Variants in ZC2HC1A observed in about 807,000 individuals in gnomAD.
The protein encoded by ZC2HC1A is zinc finger C2HC-type containing 1A, also known as zinc finger C2HC domain-containing protein 1A.
A neutral mutation model predicts 40.7 loss-of-function variants in ZC2HC1A; 28 were observed. The ratio of observed to expected loss-of-function variants is 0.69; its 90% confidence interval spans 0.51 to 0.94. The LOEUF is 0.94. ZC2HC1A is among the 40% of genes least tolerant of loss of function. ZC2HC1A has a pLI of 0.00. For synonymous variants in ZC2HC1A, 129 were observed against 129.2 expected, an observed-to-expected ratio of 1.00 and a Z score of 0.01; for missense variants, 389 against 386.3, an observed-to-expected ratio of 1.01 and a Z score of -0.06.
intron 7 of ZC2HC1A, among the ~76,000 whole-genome samples, chr8:78,707,523 T>A (rs1271196715): frequency 1.3e-5 from 2 of 152,258 alleles, no homozygotes; most frequent in Admixed American, 1.3e-4. Flanking sequence ...ACCTGGTTAC[T>A]AATGGAAAAT....
At chr8:78,670,386 G>T (rs1314811392) in intron 1 of ZC2HC1A, among the ~76,000 whole-genome samples, 1 of 152,202 alleles carries the variant, frequency 6.6e-6, no homozygotes, top group Non-Finnish European at 1.5e-5. Context: ...TTCAAAAAAT[G>T]TGCTCATCAG....
intron 8 of ZC2HC1A, among the ~76,000 whole-genome samples, chr8:78,716,822 A>G (rs1811121526): frequency 6.6e-6 from 1 of 152,066 alleles, no homozygotes; most frequent in African/African-American, 2.4e-5. Flanking sequence ...GGACTTCCCC[A>G]TTGCTGTTCT....
At chr8:78,712,114 T>C in intron 7 of ZC2HC1A, 1 of 1,257,390 alleles carries the variant, frequency 8.0e-7, no homozygotes. Flanking sequence ...CAAGTAAGTA[T>C]TTGTAACTCA....
At chr8:78,687,263 T>G (rs537689420) in intron 4 of ZC2HC1A, among the ~76,000 whole-genome samples, 21 of 151,994 alleles carry the variant, frequency 1.4e-4, no homozygotes, top group African/African-American at 5.1e-4. Flanking sequence ...GTAGCCACAT[T>G]AATGCTATGT....
chr8:78,717,770 G>A lies in ZC2HC1A; in HGVS notation c.*277G>A, dbSNP rs533789653. 2.0e-4 allele frequency: 44 copies of A among 220,652 alleles called. No homozygotes were observed. The South Asian group carries it at 5.3e-3, about 27-fold the overall frequency. The allele number at this position is 220,652 out of a possible 1,614,324, so 13.7% of individuals were successfully genotyped here. ...ATTTCAAATGGAACAATTAATTTAGGTGTTACTTTTCTGTTGTTGTTAAAG... is the reference window on the plus strand; with the variant it reads ...ATTTCAAATGGAACAATTAATTTAGATGTTACTTTTCTGTTGTTGTTAAAG... On this transcript the variant is annotated 3_prime_UTR_variant, in exon 9 of 9. Coordinates refer to ENST00000263849, the MANE Select transcript of ZC2HC1A (RefSeq NM_016010.3).
chr8:78,667,857 C>G (rs1203877124), intron 1 of ZC2HC1A, among the ~76,000 whole-genome samples: 1 of 151,864 alleles, frequency 6.6e-6, no homozygotes, highest in Non-Finnish European at 1.5e-5. Flanking sequence ...CATAGGTGGA[C>G]AAAGGTAGGA....
intron 7 of ZC2HC1A, among the ~76,000 whole-genome samples, chr8:78,704,387 CAAAA>C (rs1307275741): frequency 7.7e-5 from 5 of 65,254 alleles, no homozygotes; most frequent in Non-Finnish European, 1.3e-4. Context: ...GACTCCATCT[CAAAA>C]AAAAAAAAAA....
At chr8:78,693,761 CT>C (rs1309946990) in intron 5 of ZC2HC1A, among the ~76,000 whole-genome samples, 6 of 152,140 alleles carry the variant, frequency 3.9e-5, no homozygotes, top group Non-Finnish European at 8.8e-5. Flanking sequence ...TCAATTTTGG[CT>C]TTTGTTGCCA....
intron 8 of ZC2HC1A, among the ~76,000 whole-genome samples, chr8:78,716,057 G>A (rs1031569960): frequency 4.0e-5 from 6 of 149,242 alleles, no homozygotes; most frequent in African/African-American, 1.5e-4. Flanking sequence ...AAAAAAAAAG[G>A]CTGTTATAGT....
At chr8:78,688,009 C>G (rs1810081638) in intron 4 of ZC2HC1A, among the ~76,000 whole-genome samples, 1 of 146,580 alleles carries the variant, frequency 6.8e-6, no homozygotes, top group Non-Finnish European at 1.5e-5. Context: ...ATAAAATGAG[C>G]ATGGCTGTGT....
intron 7 of ZC2HC1A, among the ~76,000 whole-genome samples, chr8:78,710,902 A>T (rs979425203): frequency 6.6e-6 from 1 of 152,132 alleles, no homozygotes; most frequent in African/African-American, 2.4e-5. Flanking sequence ...CTACTGAAAG[A>T]AGACAAAAAT....
chr8:78,701,707 G>A (rs530226604), intron 7 of ZC2HC1A, among the ~76,000 whole-genome samples: 1 of 152,282 alleles, frequency 6.6e-6, no homozygotes, highest in Admixed American at 6.5e-5. Flanking sequence ...GTGAAGGGAT[G>A]TTGAATTTTA....
At position 78,715,300 on chromosome 8, in the gene ZC2HC1A, A is replaced by G. The variant is rs1045115178; in HGVS notation, c.784A>G (p.Lys262Glu). The stretch of plus-strand genomic sequence containing the variant: ...CCCAGGTGTGCTTACAAACAAAAGA[A>G]AAACATATACTGAGAGCTACATAGC... ...PAPGVLTNKR[K>E]TYTESYIARP... The change falls in exon 8 of 9, where the codon AAA becomes GAA. Residue 262 changes from lysine to glutamate, a missense_variant. Coordinates refer to ENST00000263849, the MANE Select transcript of ZC2HC1A (RefSeq NM_016010.3). The G allele has an allele frequency of 1.9e-6, 3 of 1,613,868 alleles. No homozygotes were observed. The highest frequency in any genetic ancestry group is 2.5e-6 in the Non-Finnish European group (3 of 1,179,884).
chr8:78,674,432 A>G (rs1395143612), intron 1 of ZC2HC1A, among the ~76,000 whole-genome samples: 2 of 152,226 alleles, frequency 1.3e-5, no homozygotes, highest in East Asian at 1.9e-4. Context: ...TGAGACCATC[A>G]TTTTGAAGAC....
At chr8:78,675,080 TTTTTC>T (rs1160493460) in intron 1 of ZC2HC1A, among the ~76,000 whole-genome samples, 1 of 151,686 alleles carries the variant, frequency 6.6e-6, no homozygotes, top group African/African-American at 2.4e-5. Flanking sequence ...AGTTTCTTTT[TTTTTC>T]TTTTTAGTAA....
chr8:78,689,684 G>A (rs181852599), intron 5 of ZC2HC1A, among the ~76,000 whole-genome samples: 122 of 151,768 alleles, frequency 8.0e-4, no homozygotes, highest in African/African-American at 2.8e-3. Flanking sequence ...TTAGATTATC[G>A]AGTGAAAGAC....
intron 4 of ZC2HC1A, among the ~76,000 whole-genome samples, chr8:78,687,883 TTATA>T (rs1810070856): frequency 2.3e-5 from 3 of 127,996 alleles, no homozygotes; most frequent in African/African-American, 8.4e-5. Flanking sequence ...AAATATATAT[TTATA>T]TAATAAATTA....
chr8:78,695,422 A>G (rs1351710672), intron 5 of ZC2HC1A, among the ~76,000 whole-genome samples: 3 of 152,156 alleles, frequency 2.0e-5, no homozygotes, highest in East Asian at 3.8e-4. Flanking sequence ...TTTCCTGCCT[A>G]AAGACTTGAC....
At chr8:78,685,756 A>T (rs1809948500) in intron 3 of ZC2HC1A, 1 of 152,236 alleles carries the variant, frequency 6.6e-6, no homozygotes, top group South Asian at 2.1e-4. Flanking sequence ...TCAAAACCCA[A>T]ATGATAGATA....
Sources: allele counts gnomAD v4.1 joint callset (sites outside exome capture counted in the v4.1 genomes callset), GRCh38; gene constraint gnomAD v4.1.1; transcripts MANE v1.5; gene names NCBI Gene and HGNC (gene_info 2026-07-23, HGNC 2026-07-21).